PCP2: variants seen among roughly 807,000 people sequenced by gnomAD.
The protein encoded by PCP2 is Purkinje cell protein 2.
A neutral mutation model predicts 18.3 loss-of-function variants in PCP2; 21 were observed. The observed-to-expected ratio is 1.14, with a 90% confidence interval of 0.81 to 1.65. PCP2 has a LOEUF of 1.65. PCP2 is among the 40% of genes most tolerant of loss of function. The pLI is 0.00. For synonymous variants in PCP2, 85 were observed against 77.6 expected (o/e 1.10, Z -0.50); for missense variants, 202 against 201.8 (o/e 1.00, Z 0.00).
upstream of PCP2, chr19:7,636,876 G>T: frequency 2.6e-6 from 1 of 379,828 alleles, no homozygotes. Flanking sequence ...TCGCACGCAA[G>T]CCAGGAAGTG....
chr19:7,633,369 C>G (rs1342998073), intron 1 of PCP2, 38 bp downstream of exon 1: 13 of 1,548,846 alleles, frequency 8.4e-6, no homozygotes, highest in Non-Finnish European at 1.1e-5. Flanking sequence ...GCTCTGAGAC[C>G]TTGAGCTGGG....
rs2031426629 is a variant in PCP2, at chr19:7,633,580, C to T, written c.-123G>A. 1 of 842,328 alleles carries T rather than the reference C, an allele frequency of 1.2e-6. No individual in the cohort carries two copies. Among genetic ancestry groups the T allele is most frequent in the Non-Finnish European group, 1.9e-6 (1 of 525,226 alleles). 52.2% of individuals were successfully genotyped at this position (842,328 alleles called of 1,614,324 possible). A position where few individuals can be genotyped will look rare whatever the true frequency, so the allele number is the denominator to read the frequency against. ...CCATCCCCAAATCCCCAGCTCATGC[C>T]CCATCTGCTCCCACCCAAGCTTAAG... On this transcript the variant is annotated 5_prime_UTR_variant, in exon 1 of 4. Coordinates refer to ENST00000311069, the MANE Select transcript of PCP2 (RefSeq NM_174895.3).
In PCP2 at chr19:7,633,000, G is replaced by C. The variant is rs1253073303; in HGVS notation, c.52-170C>G. The C allele has an allele frequency of 4.3e-5, 29 of 678,612 alleles. No individual in the cohort carries two copies. Among genetic ancestry groups the C allele is most frequent in the Non-Finnish European group, 5.7e-5 (28 of 490,708 alleles). 42.0% of individuals were successfully genotyped at this position (678,612 alleles called of 1,614,324 possible). On this transcript the variant is annotated intron_variant, in intron 1 of 3. Transcript: ENST00000311069. This position sits in a 1 kb window ranked among gnomAD's most constrained non-coding sequence, Gnocchi z 5.2. ...TGCAGAGCTGTTCTGAATGAGACAT[G>C]AGTCTCCTTCCCAATCCCGGCCCCC...
chr19:7,632,392 C>T lies in PCP2; in HGVS notation c.291+1G>A, dbSNP rs779625085. ...CTCGACATCGCCAGAACATCACCTA[C>T]CTTGGACCCCACGGGCTGGAAGCCG... On this transcript the variant is annotated splice_donor_variant, in intron 3 of 3. Transcript: ENST00000311069. LOFTEE classifies it high-confidence loss of function. This position sits in a 1 kb window ranked among gnomAD's most constrained non-coding sequence, Gnocchi z 5.2. 1 of 1,613,894 alleles carries T rather than the reference C, an allele frequency of 6.2e-7. No homozygotes were observed. The highest frequency in any genetic ancestry group is 1.1e-5 in the South Asian group (1 of 91,084).
chr19:7,636,309 G>C (rs2031531657), upstream of PCP2: 1 of 152,118 alleles, frequency 6.6e-6, no homozygotes, highest in African/African-American at 2.4e-5. Context: ...GGTGCTGCTG[G>C]GGCTGTGCCT....
Position 7,632,870 on chromosome 19 carries a change from TG to T in PCP2, c.52-41del. 2.0e-6 allele frequency: 3 copies of T among 1,535,802 alleles called. No individual in the cohort carries two copies. The highest frequency in any genetic ancestry group is 1.7e-6 in the Non-Finnish European group (2 of 1,143,628). Reference sequence around the variant, plus strand: ...GCTCAGTCTGGTTGGCCCTTCAGCTTGGGGGCCCCTCCCCAAACTTCCTAGC... The same window carrying T: ...GCTCAGTCTGGTTGGCCCTTCAGCTTGGGGCCCCTCCCCAAACTTCCTAGC... On this transcript the variant is annotated intron_variant, in intron 1 of 3. Transcript: ENST00000311069. The surrounding 1 kb of genome is among the most constrained non-coding windows in gnomAD (Gnocchi z 5.2).
chr19:7,632,813 C>G lies in PCP2; in HGVS notation c.69G>C (p.Gln23His). 6.4e-7 allele frequency: 1 copy of G among 1,556,220 alleles called. No individual in the cohort carries two copies. The highest frequency in any genetic ancestry group is 1.2e-5 in the South Asian group (1 of 84,836). The change falls in exon 2 of 4, where the codon CAG becomes CAC. Residue 23 changes from glutamine to histidine, a missense_variant. Gln to His is a conservative substitution (Grantham distance 24). Coordinates refer to ENST00000311069, the MANE Select transcript of PCP2 (RefSeq NM_174895.3). This position sits in a 1 kb window ranked among gnomAD's most constrained non-coding sequence, Gnocchi z 5.2. The stretch of plus-strand genomic sequence containing the variant: ...GGCTCAGCAGATTGAAGAAGCCCTC[C>G]TGGTCTGGGGAGCCCGCCTGGGGAC... ...GPCAEAGSPDQEGFFNLLSHV... is the reference protein window; with the variant it reads ...GPCAEAGSPDHEGFFNLLSHV...
chr19:7,633,349 T>A, intron 1 of PCP2, 58 bp downstream of exon 1: 1 of 1,448,342 alleles, frequency 6.9e-7, no homozygotes, highest in Non-Finnish European at 9.5e-7. Flanking sequence ...ACTAGTCTTG[T>A]CAATCATGGG....
Position 7,632,346 on chromosome 19 carries a change from G to C in PCP2, c.291+47C>G, listed in dbSNP as rs771007768. 3 of 1,609,220 alleles carry C rather than the reference G, an allele frequency of 1.9e-6. No homozygotes were observed. The highest frequency in any genetic ancestry group is 3.3e-5 in the Admixed American group (2 of 59,848). ...CTGGGGTGGAGGGCAGGATCGGAGAGCACTGCCTGGCGGGTTTCTCCTCGA... is the reference window on the plus strand; with the variant it reads ...CTGGGGTGGAGGGCAGGATCGGAGACCACTGCCTGGCGGGTTTCTCCTCGA... On this transcript the variant is annotated intron_variant, in intron 3 of 3. Transcript: ENST00000311069. This position sits in a 1 kb window ranked among gnomAD's most constrained non-coding sequence, Gnocchi z 5.2.
upstream of PCP2, chr19:7,636,279 C>T (rs1424823101): frequency 6.6e-6 from 1 of 152,154 alleles, no homozygotes; most frequent in Non-Finnish European, 1.5e-5. Flanking sequence ...CACCTTAAAT[C>T]GGAGACCTCA....
chr19:7,635,434 C>T (rs1295793671), upstream of PCP2, among the ~76,000 whole-genome samples: 1 of 152,198 alleles, frequency 6.6e-6, no homozygotes, highest in Non-Finnish European at 1.5e-5. Flanking sequence ...GTGGCTCATA[C>T]CTAAAATCCT....
At chr19:7,633,064 T>C in intron 1 of PCP2, 2 of 1,347,168 alleles carry the variant, frequency 1.5e-6, no homozygotes, top group South Asian at 1.5e-5. Flanking sequence ...CTTCACGTGG[T>C]ACCGCTTCAA....
chr19:7,632,531 C>G lies in PCP2; in HGVS notation c.167-14G>C, dbSNP rs2031362803. ...TGGGGTCGCTCTCTGCGTGGACGTT[C>G]ACAGACTTGGGAGGACACAGCCGGA... On this transcript the variant is annotated splice_polypyrimidine_tract_variant and intron_variant, in intron 2 of 3. Transcript: ENST00000311069. This position sits in a 1 kb window ranked among gnomAD's most constrained non-coding sequence, Gnocchi z 5.2. 1 of 1,612,076 alleles carries G rather than the reference C, an allele frequency of 6.2e-7. No homozygotes were observed. Among genetic ancestry groups the G allele is most frequent in the Non-Finnish European group, 8.5e-7 (1 of 1,179,700 alleles).
upstream of PCP2, chr19:7,636,660 C>T (rs2031546615): frequency 1.3e-5 from 2 of 154,352 alleles, no homozygotes; most frequent in Admixed American, 1.3e-4. Flanking sequence ...CACAAGAGGT[C>T]TCCAGGCCTC....
At chr19:7,635,333 ATTGACTTACGCACC>A (rs2031485637), upstream of PCP2, among the ~76,000 whole-genome samples, 1 of 152,234 alleles carries the variant, frequency 6.6e-6, no homozygotes, top group South Asian at 2.1e-4. Flanking sequence ...ACTGAAAGCC[ATTGACTTACGCACC>A]TTAGGTCAGC....
At chr19:7,634,057 C>T (rs1403065211), upstream of PCP2, among the ~76,000 whole-genome samples, 1 of 152,162 alleles carries the variant, frequency 6.6e-6, no homozygotes, top group Non-Finnish European at 1.5e-5. Context: ...TCCCTGGAGC[C>T]TGGTTGCCTG....
chr19:7,632,996 A>G lies in PCP2; in HGVS notation c.52-166T>C. ...TCTCTGCAGAGCTGTTCTGAATGAG[A>G]CATGAGTCTCCTTCCCAATCCCGGC... is the stretch of plus-strand genomic sequence containing the variant. On this transcript the variant is annotated intron_variant, in intron 1 of 3. Transcript: ENST00000311069. The surrounding 1 kb of genome is among the most constrained non-coding windows in gnomAD (Gnocchi z 5.2). 1.4e-6 allele frequency: 2 copies of G among 1,424,778 alleles called. No homozygotes were observed. The highest frequency in any genetic ancestry group is 2.9e-5 in the South Asian group (2 of 67,830). The allele number at this position is 1,424,778 out of a possible 1,614,324, so 88.3% of individuals were successfully genotyped here. A position where few individuals can be genotyped will look rare whatever the true frequency, so the allele number is the denominator to read the frequency against.
chr19:7,635,544 AAATC>A (rs200670146), upstream of PCP2, among the ~76,000 whole-genome samples: 1,427 of 152,056 alleles, frequency 9.4e-3, 23 homozygotes, highest in African/African-American at 0.031. Flanking sequence ...AACAACAACA[AAATC>A]AACCGGGCAC....
Position 7,631,711 on chromosome 19 carries a change from T to C in PCP2, c.389A>G (p.Gln130Arg), listed in dbSNP as rs370210255. 4.2e-5 allele frequency: 61 copies of C among 1,447,768 alleles called. No homozygotes were observed. Among genetic ancestry groups the C allele is most frequent in the Non-Finnish European group, 5.1e-5 (56 of 1,098,796 alleles). The allele number at this position is 1,447,768 out of a possible 1,614,324, so 89.7% of individuals were successfully genotyped here. The change falls in exon 4 of 4, where the codon CAG becomes CGG. Residue 130 changes from glutamine to arginine, a missense_variant. Physicochemically the swap from Gln to Arg is conservative, Grantham distance 43. Coordinates refer to ENST00000311069, the MANE Select transcript of PCP2 (RefSeq NM_174895.3). The stretch of plus-strand genomic sequence containing the variant: ...CCCTCAGGGGGCTTGTGTCGGGGGC[T>C]GGGGGCTGCTGTTCCGACGGAAGCC... Reference protein sequence around the residue: ...ALGFRRNSSPQPPTQAP With the variant: ...ALGFRRNSSPRPPTQAP
Sources: gnomAD v4.1 joint callset for allele counts (sites outside exome capture counted in the v4.1 genomes callset) on GRCh38, gnomAD v4.1.1 for gene constraint, Gnocchi (gnomAD v3.1) non-coding constraint, MANE v1.5 for transcripts, NCBI Gene and HGNC (gene_info 2026-07-23, HGNC 2026-07-21) for gene names.